The following ZPLD1 variants were observed in gnomAD, a reference collection of about 807,000 sequenced individuals.
ZPLD1 encodes the protein zona pellucida like domain containing 1.
Under a neutral mutation model 47.2 loss-of-function variants are expected in ZPLD1, and 34 were observed. The ratio of observed to expected loss-of-function variants is 0.72; its 90% CI spans 0.55 to 0.96. ZPLD1 has a LOEUF of 0.96. Ranked by LOEUF, ZPLD1 falls within the 40% of genes least tolerant of loss-of-function variation. The pLI is 0.00. For synonymous variants in ZPLD1, 176 were observed against 186.2 expected (o/e 0.95, Z 0.45); for missense variants, 512 against 505.8 (o/e 1.01, Z -0.12).
At chr3:102,440,966 G>A (rs1385151491) in intron 3 of ZPLD1, among the ~76,000 whole-genome samples, 1 of 152,168 alleles carries the variant, frequency 6.6e-6, no homozygotes, top group Non-Finnish European at 1.5e-5. Context: ...CCTTGGAAAA[G>A]TGTAGTTGTT....
chr3:102,435,924 G>A (rs990488113), intron 1 of ZPLD1, among the ~76,000 whole-genome samples: 3 of 152,152 alleles, frequency 2.0e-5, no homozygotes, highest in Non-Finnish European at 4.4e-5. Context: ...TTACGGGCGT[G>A]AGCCACCACG....
At chr3:102,449,323 C>T (rs1163144752) in intron 3 of ZPLD1, among the ~76,000 whole-genome samples, 1 of 152,214 alleles carries the variant, frequency 6.6e-6, no homozygotes, top group Non-Finnish European at 1.5e-5. Context: ...ATCTTTCTGT[C>T]AATGTGGGTC....
chr3:102,414,060 T>C (rs1039087152), intron 7 of ZPLD1, among the ~76,000 whole-genome samples: 2 of 151,782 alleles, frequency 1.3e-5, no homozygotes, highest in African/African-American at 2.4e-5. Context: ...TTCCTGTTAC[T>C]TGCTGAATGT....
intron 3 of ZPLD1, among the ~76,000 whole-genome samples, chr3:102,438,855 G>A (rs934316803): frequency 3.3e-5 from 5 of 152,176 alleles, no homozygotes; most frequent in African/African-American, 1.2e-4. Context: ...AAAATTGGGA[G>A]AGACTAATTT....
In ZPLD1 at chr3:102,440,504, G is replaced by A. The variant is rs139343707; in HGVS notation, c.106+1911G>A. 1.3e-3 allele frequency among the ~76,000 whole-genome samples: 193 copies of A among 152,202 alleles called. 1 individual carries two copies. The highest frequency in any genetic ancestry group is 4.4e-3 in the African/African-American group (181 of 41,526). On this transcript the variant is annotated intron_variant, in intron 3 of 11. Coordinates refer to ENST00000466937, the MANE Select transcript of ZPLD1 (RefSeq NM_001329788.2). ...ATAGGACACTTGCATGTTTTAGAAA[G>A]GAAGTTCAAGTTTGGAAATGATGGG...
chr3:102,432,282 A>G (rs1210431277), upstream of ZPLD1, among the ~76,000 whole-genome samples: 2 of 152,194 alleles, frequency 1.3e-5, no homozygotes, highest in Non-Finnish European at 2.9e-5. Context: ...CAGCCTGTGG[A>G]GAGTAGCTGC....
chr3:102,456,973 T>A (rs939847582), intron 5 of ZPLD1, among the ~76,000 whole-genome samples: 1 of 152,240 alleles, frequency 6.6e-6, no homozygotes, highest in Non-Finnish European at 1.5e-5. Flanking sequence ...TATTCACGTA[T>A]GCATTATTTC....
At chr3:102,459,014 C>A (rs1174826977) in intron 6 of ZPLD1, among the ~76,000 whole-genome samples, 1 of 138,548 alleles carries the variant, frequency 7.2e-6, no homozygotes, top group Non-Finnish European at 1.5e-5. Flanking sequence ...GGCGTGAACC[C>A]GGGAGGCGGA....
intron 7 of ZPLD1, among the ~76,000 whole-genome samples, chr3:102,410,131 T>C (rs1162351183): frequency 1.3e-5 from 2 of 151,830 alleles, no homozygotes; most frequent in Non-Finnish European, 2.9e-5. Context: ...CCTTTCAGTG[T>C]GAATTTTATT....
chr3:102,430,864 G>A (rs910182258), upstream of ZPLD1, among the ~76,000 whole-genome samples: 3 of 152,130 alleles, frequency 2.0e-5, no homozygotes, highest in Non-Finnish European at 4.4e-5. Context: ...GGAGGGAAAT[G>A]AGCAATTAAG....
chr3:102,388,183 G>GT (rs1706454705), intron 6 of ZPLD1, among the ~76,000 whole-genome samples: 3 of 151,886 alleles, frequency 2.0e-5, no homozygotes, highest in Admixed American at 1.3e-4. Context: ...ATTCTTTCTC[G>GT]TTTTTTCTGT....
intron 5 of ZPLD1, among the ~76,000 whole-genome samples, chr3:102,457,171 T>C (rs1314049754): frequency 1.3e-5 from 2 of 152,224 alleles, no homozygotes; most frequent in Admixed American, 6.5e-5. Flanking sequence ...TTCTACTTCA[T>C]TGAAAAAATA....
At chr3:102,437,702 G>A (rs1707111524) in intron 2 of ZPLD1, among the ~76,000 whole-genome samples, 1 of 152,134 alleles carries the variant, frequency 6.6e-6, no homozygotes, top group African/African-American at 2.4e-5. Flanking sequence ...ACTGACTGGT[G>A]TTTAAGTAAA....
intron 3 of ZPLD1, among the ~76,000 whole-genome samples, chr3:102,449,288 A>ACGCTACTC (rs1186580766): frequency 2.6e-5 from 4 of 152,220 alleles, no homozygotes; most frequent in African/African-American, 9.7e-5. Context: ...CCGGCCTTCT[A>ACGCTACTC]CGCTACTCCA....
chr3:102,426,255 C>T (rs995694720), intron 8 of ZPLD1, among the ~76,000 whole-genome samples: 10 of 152,158 alleles, frequency 6.6e-5, no homozygotes, highest in Non-Finnish European at 8.8e-5. Flanking sequence ...CGGTGGCTCA[C>T]GCCTGTAATC....
At chr3:102,389,946 G>T (rs2107283234) in intron 6 of ZPLD1, among the ~76,000 whole-genome samples, 1 of 152,262 alleles carries the variant, frequency 6.6e-6, no homozygotes, top group Non-Finnish European at 1.5e-5. Context: ...TGGTAGGGTT[G>T]ATAGCATATT....
chr3:102,427,874 G>A (rs540331979), intron 8 of ZPLD1, among the ~76,000 whole-genome samples: 86 of 152,252 alleles, frequency 5.6e-4, no homozygotes, highest in South Asian at 5.4e-3. Flanking sequence ...TGGTGGTAAA[G>A]CATTTTTTTT....
chr3:102,427,821 C>T (rs979316318), intron 8 of ZPLD1, among the ~76,000 whole-genome samples: 3 of 152,104 alleles, frequency 2.0e-5, no homozygotes, highest in African/African-American at 4.8e-5. Flanking sequence ...CAAATATCTC[C>T]GTGAGGCTCC....
At chr3:102,441,771 T>C (rs1218408835) in intron 3 of ZPLD1, among the ~76,000 whole-genome samples, 3 of 152,148 alleles carry the variant, frequency 2.0e-5, no homozygotes, top group Non-Finnish European at 4.4e-5. Context: ...AGACAATAAC[T>C]AGTCCTCAAG....
Sources: gnomAD v4.1 joint callset for allele counts (sites outside exome capture counted in the v4.1 genomes callset) on GRCh38, gnomAD v4.1.1 for gene constraint, MANE v1.5 for transcripts, NCBI Gene and HGNC (gene_info 2026-07-23, HGNC 2026-07-21) for gene names.